SNX13: variants seen among roughly 807,000 people sequenced by gnomAD.
The protein encoded by SNX13 is sorting nexin 13, also known as sorting nexin-13.
Under a neutral mutation model 133.6 loss-of-function variants are expected in SNX13, and 45 were observed. The observed-to-expected ratio is 0.34, with a 90% confidence interval of 0.27 to 0.43. The LOEUF is 0.43. Among genes scored for constraint, SNX13 ranks in the 20% least tolerant of loss-of-function variants. SNX13 has a pLI of 1.00. For synonymous variants in SNX13, 414 were observed against 373.9 expected, an observed-to-expected ratio of 1.11 and a Z score of -1.24; for missense variants, 1,032 against 1,145.1, an observed-to-expected ratio of 0.90 and a Z score of 1.43.
rs1799614454 is a variant in SNX13 at position 17,916,865 on chromosome 7, G to A, written c.13-19419C>T. Among the ~76,000 whole-genome samples, 3 of 152,002 alleles carry A rather than the reference G, an allele frequency of 2.0e-5. No individual in the cohort carries two copies. In the South Asian group the frequency reaches 6.2e-4, roughly 31 times the overall value. ...TTCTGGCAAAGACACAGCAAAAAAG[G>A]AAAACTATAGGCCAATATCCCTTAT... On this transcript the variant is annotated intron_variant, in intron 1 of 25. Transcript: ENST00000428135.
At chr7:17,818,121 C>T (rs1786875867) in intron 18 of SNX13, among the ~76,000 whole-genome samples, 1 of 152,132 alleles carries the variant, frequency 6.6e-6, no homozygotes, top group Admixed American at 6.5e-5. Flanking sequence ...AGAACCCTAC[C>T]ATCTACAAGC....
intron 11 of SNX13, among the ~76,000 whole-genome samples, chr7:17,846,287 A>G (rs1790514304): frequency 6.6e-6 from 1 of 152,154 alleles, no homozygotes; most frequent in Non-Finnish European, 1.5e-5. Context: ...TTTAAAGAGC[A>G]TCTACGTATC....
chr7:17,933,349 G>A (rs577027083), intron 1 of SNX13, among the ~76,000 whole-genome samples: 1 of 151,996 alleles, frequency 6.6e-6, no homozygotes, highest in African/African-American at 2.4e-5. Context: ...GGAGACCATC[G>A]TGGCTAACCT....
intron 9 of SNX13, among the ~76,000 whole-genome samples, chr7:17,855,937 T>G (rs1791825935): frequency 6.6e-6 from 1 of 152,218 alleles, no homozygotes; most frequent in African/African-American, 2.4e-5. Flanking sequence ...CTTCTAGAAA[T>G]GACTCATTAT....
chr7:17,863,736 G>A (rs2128339988), intron 9 of SNX13, among the ~76,000 whole-genome samples: 1 of 152,310 alleles, frequency 6.6e-6, no homozygotes. Flanking sequence ...TGCAAGGTTT[G>A]AGGTGCAACT....
intron 18 of SNX13, among the ~76,000 whole-genome samples, chr7:17,817,046 C>T (rs1272562955): frequency 6.6e-6 from 1 of 152,124 alleles, no homozygotes; most frequent in African/African-American, 2.4e-5. Flanking sequence ...AATATTGATA[C>T]CTTTGCCCCA....
chr7:17,805,263 G>GCGCA (rs1562663716), intron 20 of SNX13, among the ~76,000 whole-genome samples: 2 of 148,268 alleles, frequency 1.3e-5, no homozygotes, highest in Non-Finnish European at 3.0e-5. Context: ...GTGCGCGCGC[G>GCGCA]CGCATGCATG....
chr7:17,883,282 AG>A (rs1583612586), intron 5 of SNX13, among the ~76,000 whole-genome samples: 2 of 152,222 alleles, frequency 1.3e-5, no homozygotes, highest in South Asian at 4.1e-4. Flanking sequence ...TCATCATTTC[AG>A]GAGTACAAAA....
At chr7:17,882,350 T>C (rs1182456630) in intron 5 of SNX13, 1 of 152,196 alleles carries the variant, frequency 6.6e-6, no homozygotes, top group Non-Finnish European at 1.5e-5. Context: ...ACTACAGATT[T>C]ATTGTTTTCA....
chr7:17,878,382 G>T (rs1344255489), intron 5 of SNX13, among the ~76,000 whole-genome samples: 1 of 152,098 alleles, frequency 6.6e-6, no homozygotes, highest in Non-Finnish European at 1.5e-5. Flanking sequence ...ACCCTAGCTT[G>T]AAAACATTTA....
intron 11 of SNX13, among the ~76,000 whole-genome samples, chr7:17,849,843 C>T (rs150750016): frequency 3.9e-4 from 60 of 152,330 alleles, no homozygotes; most frequent in African/African-American, 1.2e-3. Flanking sequence ...CAAGTGTCAT[C>T]GAACCTCTTG....
Position 17,794,154 on chromosome 7 carries a change from T to C in SNX13, c.2765A>G (p.Gln922Arg). Residue 922 changes from glutamine to arginine, a missense_variant, in exon 26 of 26, where the codon CAG (glutamine) becomes CGG (arginine). Coordinates refer to ENST00000428135, the MANE Select transcript of SNX13 (RefSeq NM_015132.5). Reference protein sequence around the residue: ...LEGFLETLFPQYKFRELFNKL... With the variant: ...LEGFLETLFPRYKFRELFNKL... The stretch of plus-strand genomic sequence containing the variant: ...GTTGAAAAGTTCACGGAATTTATAC[T>C]GTGGAAATAAGGTTTCTAAAAAGCC... The C allele has an allele frequency of 6.2e-7, 1 of 1,611,628 alleles. No homozygotes were observed. The highest frequency in any genetic ancestry group is 1.1e-5 in the South Asian group (1 of 90,960).
intron 20 of SNX13, among the ~76,000 whole-genome samples, chr7:17,805,250 T>TGC (rs1554304275): frequency 0.022 from 2,064 of 95,558 alleles, 41 homozygotes; most frequent in Non-Finnish European, 0.032. Flanking sequence ...TGTGTGTGTG[T>TGC]GCGTGCGCGC....
chr7:17,870,069 A>G (rs1793894440), intron 8 of SNX13, among the ~76,000 whole-genome samples: 1 of 152,170 alleles, frequency 6.6e-6, no homozygotes, highest in African/African-American at 2.4e-5. Context: ...ATATGACTCA[A>G]GGTCCTAGTG....
chr7:17,808,454 G>A (rs1186296824), intron 20 of SNX13, among the ~76,000 whole-genome samples: 1 of 152,212 alleles, frequency 6.6e-6, no homozygotes, highest in Non-Finnish European at 1.5e-5. Context: ...ATGAGACTAT[G>A]AGAAAAGACC....
At chr7:17,804,278 G>C (rs1784945437) in intron 20 of SNX13, among the ~76,000 whole-genome samples, 1 of 152,224 alleles carries the variant, frequency 6.6e-6, no homozygotes, top group African/African-American at 2.4e-5. Context: ...TTCTGGCACA[G>C]TTCAAGGCAA....
chr7:17,931,263 T>G (rs976688187), intron 1 of SNX13, among the ~76,000 whole-genome samples: 12 of 152,148 alleles, frequency 7.9e-5, no homozygotes, highest in Non-Finnish European at 1.8e-4. Context: ...TATCTCAAAC[T>G]CTGGAAGAGA....
intron 1 of SNX13, among the ~76,000 whole-genome samples, chr7:17,917,289 A>T (rs1292770073): frequency 6.6e-6 from 1 of 152,220 alleles, no homozygotes; most frequent in East Asian, 1.9e-4. Context: ...CTCCTATTTA[A>T]CATAGTACCA....
intron 7 of SNX13, 94 bp downstream of exon 7, chr7:17,875,386 G>A: frequency 2.2e-6 from 2 of 927,988 alleles, no homozygotes; most frequent in Admixed American, 5.3e-5. Context: ...CCTGCCCTAA[G>A]TAAGAATAAT....
Sources: gnomAD v4.1 joint callset for allele counts (sites outside exome capture counted in the v4.1 genomes callset) on GRCh38, gnomAD v4.1.1 for gene constraint, MANE v1.5 for transcripts, NCBI Gene and HGNC (gene_info 2026-07-23, HGNC 2026-07-21) for gene names.